The following SMC1B variants were observed in gnomAD, a reference collection of about 807,000 sequenced individuals.
SMC1B encodes structural maintenance of chromosomes protein 1B.
A neutral mutation model predicts 157.9 loss-of-function variants in SMC1B; 60 were observed. The observed-to-expected ratio is 0.38, with a 90% CI of 0.31 to 0.47. SMC1B has a LOEUF of 0.47. SMC1B is among the 20% of genes least tolerant of loss of function. The pLI is 0.99. For missense variants in SMC1B, 1,165 were observed against 1,426.2 expected (o/e 0.82, Z 2.95); for synonymous variants, 445 against 483.0 (o/e 0.92, Z 1.03).
chr22:45,413,446 G>A lies in SMC1B; in HGVS notation c.109+13C>T, dbSNP rs758132351. 8 of 1,590,382 alleles carry A rather than the reference G, an allele frequency of 5.0e-6. No homozygotes were observed. The highest frequency in any genetic ancestry group is 1.1e-5 in the South Asian group (1 of 88,480). ...CGGAGGCGCTCCGGTGGCGCCCTGA[G>A]CTGCTCAGTTACCAGAGCCGTTGGG... On this transcript the variant is annotated intron_variant, in intron 1 of 24. Transcript: ENST00000357450.
intron 15 of SMC1B, among the ~76,000 whole-genome samples, chr22:45,365,121 G>C (rs6006999): frequency 0.013 from 1,936 of 152,210 alleles, 43 homozygotes; most frequent in African/African-American, 0.044. Context: ...ACAGGCATGA[G>C]CCACCGCACC....
rs751054002 is a variant in SMC1B at position 45,389,724 on chromosome 22, T to C, written c.1719A>G (p.Leu573=). Residue 573 remains leucine, a synonymous_variant, in exon 10 of 25, where the codon CTA becomes CTG. Transcript: ENST00000357450. ...ERAEPETFLA[L]DYLDIKPINE... is the part of the protein sequence containing the mutation. ...ACAAAGTTCTTACATCAAGGTAATCTAGAGCGAGGAATGTCTCAGGTTCAG... is the reference window on the plus strand; with the variant it reads ...ACAAAGTTCTTACATCAAGGTAATCCAGAGCGAGGAATGTCTCAGGTTCAG... 6.2e-7 allele frequency: 1 copy of C among 1,613,684 alleles called. No individual in the cohort carries two copies. The highest frequency in any genetic ancestry group is 1.3e-5 in the African/African-American group (1 of 74,920).
intron 10 of SMC1B, among the ~76,000 whole-genome samples, chr22:45,388,854 G>A (rs1209213358): frequency 6.6e-6 from 1 of 151,636 alleles, no homozygotes; most frequent in East Asian, 1.9e-4. Context: ...CGGGCGTGCT[G>A]GCACATACCT....
At chr22:45,350,757 C>T (rs986405490) in intron 22 of SMC1B, among the ~76,000 whole-genome samples, 1 of 152,258 alleles carries the variant, frequency 6.6e-6, no homozygotes. Context: ...TTGATTAGGT[C>T]AAAACCCACA....
intron 12 of SMC1B, among the ~76,000 whole-genome samples, chr22:45,379,723 C>CTTTTTTTTTTTTTTTTTTTTTTTTT (rs136583): frequency 1.1e-5 from 1 of 91,482 alleles, no homozygotes; most frequent in Non-Finnish European, 2.0e-5. Flanking sequence ...TTTCTTTTTA[C>CTTTTTTTTTTTTTTTTTTTTTTTTT]TTTTTTTTTT....
At chr22:45,363,422 C>T (rs190871559) in intron 15 of SMC1B, among the ~76,000 whole-genome samples, 121 of 152,324 alleles carry the variant, frequency 7.9e-4, no homozygotes, top group African/African-American at 2.8e-3. Flanking sequence ...TGGCTCATGC[C>T]TGTAATCCCG....
At chr22:45,359,182 TA>T (rs2086697705) in intron 18 of SMC1B, among the ~76,000 whole-genome samples, 1 of 152,222 alleles carries the variant, frequency 6.6e-6, no homozygotes. Context: ...CCATTTTAGA[TA>T]AGAGATTTCA....
intron 9 of SMC1B, among the ~76,000 whole-genome samples, chr22:45,390,194 A>C (rs965887369): frequency 2.0e-5 from 3 of 151,994 alleles, no homozygotes; most frequent in Non-Finnish European, 4.4e-5. Context: ...TGACCTATTA[A>C]ACAAGAATCT....
At position 45,403,703 on chromosome 22, in the gene SMC1B, C is replaced by T. The variant is rs1024192708; in HGVS notation, c.616-1132G>A. Among the ~76,000 whole-genome samples, 11 of 152,266 alleles carry T rather than the reference C, an allele frequency of 7.2e-5. No individual in the cohort carries two copies. In the East Asian group the frequency reaches 1.7e-3, roughly 24 times the overall value. ...CGAACTCCTGGGCTCAAGGGATGCT[C>T]CCACCTTGGCCTCCCAAAGTACTGG... On this transcript the variant is annotated intron_variant, in intron 4 of 24. Transcript: ENST00000357450.
rs745782171 is a variant in SMC1B at position 45,406,488 on chromosome 22, C to A, written c.587G>T (p.Arg196Leu). The change falls in exon 4 of 25, where the codon CGC becomes CTC. Residue 196 changes from arginine to leucine, a missense_variant. Physicochemically the swap from Arg to Leu is moderately radical, Grantham distance 102 (BLOSUM62 -2). Transcript: ENST00000357450. The stretch of plus-strand genomic sequence containing the variant: ...TTCCTTCTCTAATTTTGCTTGTCTG[C>A]GCTCTGCCGCTATATTTTTTTTCTT... ...FNKKKNIAAE[R>L]RQAKLEKEEA... is the part of the protein sequence containing the mutation. 1.9e-6 allele frequency: 3 copies of A among 1,611,544 alleles called. No individual in the cohort carries two copies. Among genetic ancestry groups the A allele is most frequent in the Admixed American group, 1.7e-5 (1 of 59,722 alleles).
chr22:45,385,556 T>C (rs556877054), intron 11 of SMC1B, among the ~76,000 whole-genome samples: 1 of 152,108 alleles, frequency 6.6e-6, no homozygotes, highest in African/African-American at 2.4e-5. Flanking sequence ...CTGATAAAAA[T>C]AAGATACAAT....
chr22:45,392,321 C>A (rs530792351), intron 9 of SMC1B, among the ~76,000 whole-genome samples: 1 of 151,948 alleles, frequency 6.6e-6, no homozygotes, highest in African/African-American at 2.4e-5. Flanking sequence ...TCAAGGAATA[C>A]TAGGTGAGAA....
In SMC1B at chr22:45,386,900, C is replaced by A; in HGVS notation, c.1878G>T (p.Arg626Ser). ...TTTCAGGTCCACTGAGTGCAATATG[C>A]CTTGCTTCTTCCATAGTCTCACAAA... ...GLVCETMEEA[R>S]HIALSGPERQ... Residue 626 changes from arginine to serine, a missense_variant, in exon 11 of 25, where the codon AGG becomes AGT. Arg to Ser is a moderately radical substitution (Grantham distance 110). Transcript: ENST00000357450. 1 of 1,614,014 alleles carries A rather than the reference C, an allele frequency of 6.2e-7. No homozygotes were observed. Among genetic ancestry groups the A allele is most frequent in the Non-Finnish European group, 8.5e-7 (1 of 1,179,972 alleles).
At chr22:45,373,033 A>T (rs1290562523) in intron 12 of SMC1B, among the ~76,000 whole-genome samples, 1 of 151,984 alleles carries the variant, frequency 6.6e-6, no homozygotes, top group South Asian at 2.1e-4. Context: ...CTTCAGATAA[A>T]CTCTTTCAAC....
chr22:45,399,633 G>A (rs1350880053), intron 5 of SMC1B, among the ~76,000 whole-genome samples: 1 of 152,052 alleles, frequency 6.6e-6, no homozygotes, highest in African/African-American at 2.4e-5. Flanking sequence ...GAACCTTAAT[G>A]TAAGCAAATT....
chr22:45,413,584 C>G lies in SMC1B; in HGVS notation c.-17G>C. ...GTGGGCCATGGCGCCGCCCTCCACG[C>G]CTCACCCGCGTTATCAAGCGCCCGC... On this transcript the variant is annotated 5_prime_UTR_variant, in exon 1 of 25. Coordinates refer to ENST00000357450, the MANE Select transcript of SMC1B (RefSeq NM_148674.5). The G allele has an allele frequency of 6.3e-7, 1 of 1,586,334 alleles. No individual in the cohort carries two copies.
At chr22:45,351,541 C>G (rs1303006716) in intron 22 of SMC1B, among the ~76,000 whole-genome samples, 1 of 152,258 alleles carries the variant, frequency 6.6e-6, no homozygotes, top group South Asian at 2.1e-4. Flanking sequence ...CTATATTTTA[C>G]TAATTGTATT....
rs148739949 is a variant in SMC1B at position 45,344,581 on chromosome 22, C to G, written c.3683G>C (p.Ser1228Thr). 1,669 of 1,613,972 alleles carry G rather than the reference C, an allele frequency of 1.0e-3. 29 individuals carry two copies. The East Asian group carries it at 0.033, about 32-fold the overall frequency. ...QYPDTEGQES[S>T]KRHGESR Reference sequence around the variant, plus strand: ...CTAGCGGGACTCTCCGTGTCTCTTGCTGCTTTCTTGGCCTTCAGTGTCTGG... The same window carrying G: ...CTAGCGGGACTCTCCGTGTCTCTTGGTGCTTTCTTGGCCTTCAGTGTCTGG... The change falls in exon 25 of 25, where the codon AGC becomes ACC. Residue 1228 changes from serine to threonine, a missense_variant. Transcript: ENST00000357450.
At chr22:45,359,694 G>A (rs2086702146) in intron 18 of SMC1B, 111 bp downstream of exon 18, 4 of 1,176,728 alleles carry the variant, frequency 3.4e-6, no homozygotes, top group Admixed American at 4.9e-5. Flanking sequence ...CCTCCTATGA[G>A]ATGTCTTCAC....
Sources: allele counts gnomAD v4.1 joint callset (sites outside exome capture counted in the v4.1 genomes callset), GRCh38; gene constraint gnomAD v4.1.1; transcripts MANE v1.5; gene names NCBI Gene and HGNC (gene_info 2026-07-23, HGNC 2026-07-21).